The following SLC24A2 variants were observed in gnomAD, a reference collection of about 807,000 sequenced individuals.
SLC24A2 encodes the protein sodium/potassium/calcium exchanger 2.
SLC24A2 carries 36 observed loss-of-function variants against 62.0 expected under a neutral mutation model. The ratio of observed to expected loss-of-function variants is 0.58; its 90% CI spans 0.44 to 0.77. The LOEUF (loss-of-function observed/expected upper bound fraction) is 0.77. Ranked by LOEUF, SLC24A2 falls within the 30% of genes least tolerant of loss-of-function variation. The probability of loss-of-function intolerance (pLI) is 0.00; values close to 1 mark genes in which losing one functional copy is unlikely to be tolerated. For synonymous variants in SLC24A2, 358 were observed against 294.0 expected (o/e 1.22, Z -2.23); for missense variants, 846 against 817.9 (o/e 1.03, Z -0.42).
the SLC24A2 span, among the ~76,000 whole-genome samples, chr9:19,804,128 T>G: frequency 7.9e-5 from 12 of 152,162 alleles, no homozygotes; most frequent in Admixed American, 4.6e-4. Context: ...ACATGAATTA[T>G]AGAGCCAGCT....
chr9:19,614,631 T>C (rs1257043476), intron 4 of SLC24A2, among the ~76,000 whole-genome samples: 5 of 152,260 alleles, frequency 3.3e-5, no homozygotes, highest in African/African-American at 1.2e-4. Flanking sequence ...GCAGTACAAC[T>C]GACATCCTGG....
the SLC24A2 span, among the ~76,000 whole-genome samples, chr9:20,299,473 G>C: frequency 1.3e-5 from 2 of 152,214 alleles, no homozygotes; most frequent in African/African-American, 2.4e-5. Context: ...TGCCATGCTT[G>C]TGATGCCCAT....
chr9:19,529,570 A>G (rs58843431), intron 8 of SLC24A2, among the ~76,000 whole-genome samples: 2,120 of 152,248 alleles, frequency 0.014, 50 homozygotes, highest in African/African-American at 0.048. Flanking sequence ...GGGGGAGGGC[A>G]TCAGGCCACA....
the SLC24A2 span, among the ~76,000 whole-genome samples, chr9:19,794,190 G>C: frequency 5.3e-5 from 8 of 152,198 alleles, no homozygotes; most frequent in Non-Finnish European, 8.8e-5. Context: ...GGTAAGAAGT[G>C]ATGAATGCCT....
At chr9:19,940,142 A>G in the SLC24A2 span, among the ~76,000 whole-genome samples, 2 of 152,300 alleles carry the variant, frequency 1.3e-5, no homozygotes, top group Admixed American at 1.3e-4. Context: ...TGTAAGTGGC[A>G]CCGCTTGCAT....
At chr9:20,209,379 T>A in the SLC24A2 span, among the ~76,000 whole-genome samples, 380 of 152,352 alleles carry the variant, frequency 2.5e-3, 6 homozygotes, top group Admixed American at 0.024. Context: ...CTTGGTTTTT[T>A]ATTTCCCTTC....
At position 19,619,603 on chromosome 9, in the gene SLC24A2, G is replaced by A; in HGVS notation, c.1059C>T (p.Thr353=). The part of the protein sequence containing the change: ...RNSIFQLMIH[T]LDPLAEELGS... ...GTTTACCTTCGGCGAGTGGGTCAAG[G>A]GTGTGTATCATGAGTTGGAAGATGC... The change falls in exon 4 of 11, where the codon ACC becomes ACT. Residue 353 remains threonine, a synonymous_variant. Transcript: ENST00000341998. The A allele has an allele frequency of 6.2e-7, 1 of 1,613,616 alleles. No individual in the cohort carries two copies. Among genetic ancestry groups the A allele is most frequent in the Non-Finnish European group, 8.5e-7 (1 of 1,179,556 alleles).
intron 2 of SLC24A2, among the ~76,000 whole-genome samples, chr9:19,707,894 G>A (rs1431482910): frequency 1.3e-5 from 2 of 152,134 alleles, no homozygotes; most frequent in African/African-American, 4.8e-5. Context: ...AGTGTTGGAA[G>A]TTCTGGCCAG....
the SLC24A2 span, among the ~76,000 whole-genome samples, chr9:20,172,242 A>C: frequency 6.6e-6 from 1 of 152,098 alleles, no homozygotes; most frequent in South Asian, 2.1e-4. Flanking sequence ...AAATGCCTAC[A>C]TCAAAAAGTC....
chr9:20,131,977 C>T, the SLC24A2 span, among the ~76,000 whole-genome samples: 7 of 152,050 alleles, frequency 4.6e-5, no homozygotes, highest in Admixed American at 4.6e-4. Flanking sequence ...AATTGTTGTG[C>T]TACATAACTG....
the SLC24A2 span, among the ~76,000 whole-genome samples, chr9:20,078,587 C>T: frequency 2.7e-4 from 41 of 152,294 alleles, no homozygotes; most frequent in African/African-American, 8.9e-4. Flanking sequence ...CCCACCCAGG[C>T]AGGCCATGAC....
chr9:20,033,406 G>A, the SLC24A2 span, among the ~76,000 whole-genome samples: 1 of 152,168 alleles, frequency 6.6e-6, no homozygotes, highest in Non-Finnish European at 1.5e-5. Flanking sequence ...TAATATGCAG[G>A]ACTGCTAGGA....
chr9:19,543,066 T>C (rs1834356910), intron 8 of SLC24A2, among the ~76,000 whole-genome samples: 1 of 152,234 alleles, frequency 6.6e-6, no homozygotes, highest in Non-Finnish European at 1.5e-5. Flanking sequence ...CATCTGGTTC[T>C]GGACTTTGGT....
At chr9:20,148,171 G>C in the SLC24A2 span, among the ~76,000 whole-genome samples, 3 of 151,904 alleles carry the variant, frequency 2.0e-5, no homozygotes, top group Non-Finnish European at 2.9e-5. Context: ...CGATTTGAAA[G>C]GGGAAAGGGT....
the SLC24A2 span, among the ~76,000 whole-genome samples, chr9:20,147,439 T>G: frequency 1.3e-5 from 2 of 152,160 alleles, no homozygotes; most frequent in African/African-American, 4.8e-5. Flanking sequence ...CCTTGATTGG[T>G]TTTTCATGTC....
the SLC24A2 span, among the ~76,000 whole-genome samples, chr9:20,268,572 C>T: frequency 6.6e-6 from 1 of 152,192 alleles, no homozygotes; most frequent in Non-Finnish European, 1.5e-5. Flanking sequence ...CTCCTCAAAA[C>T]TCTCAGAGTC....
the SLC24A2 span, among the ~76,000 whole-genome samples, chr9:20,306,341 A>C: frequency 2.1e-4 from 32 of 152,262 alleles, no homozygotes; most frequent in African/African-American, 3.6e-4. Flanking sequence ...ACAACAACAA[A>C]AAATGCAAGG....
the SLC24A2 span, among the ~76,000 whole-genome samples, chr9:19,882,309 G>A: frequency 6.6e-6 from 1 of 152,046 alleles, no homozygotes; most frequent in African/African-American, 2.4e-5. Context: ...GTATCATACT[G>A]GTGTTTTAAT....
intron 2 of SLC24A2, among the ~76,000 whole-genome samples, chr9:19,772,206 T>C (rs1248249176): frequency 1.3e-5 from 2 of 152,214 alleles, no homozygotes; most frequent in African/African-American, 2.4e-5. Flanking sequence ...CCAGGTTCTC[T>C]ATAATCAGGA....
Sources: gnomAD v4.1 joint callset for allele counts (sites outside exome capture counted in the v4.1 genomes callset) on GRCh38, gnomAD v4.1.1 for gene constraint, MANE v1.5 for transcripts, NCBI Gene and HGNC (gene_info 2026-07-23, HGNC 2026-07-21) for gene names.